GRHL2: variants seen among roughly 807,000 people sequenced by gnomAD.
The protein encoded by GRHL2 is grainyhead like transcription factor 2, also known as grainyhead-like protein 2 homolog.
Under a neutral mutation model 83.8 loss-of-function variants are expected in GRHL2, and 21 were observed. The ratio of observed to expected loss-of-function variants is 0.25; its 90% confidence interval spans 0.18 to 0.36. GRHL2 has a LOEUF of 0.36. Ranked by LOEUF, GRHL2 falls within the 10% of genes least tolerant of loss-of-function variation. GRHL2 has a pLI of 1.00. For missense variants in GRHL2, 623 were observed against 781.8 expected (o/e 0.80, Z 2.42); for synonymous variants, 280 against 278.9 (o/e 1.00, Z -0.04).
At chr8:101,547,735 A>C (rs950072791) in intron 2 of GRHL2, among the ~76,000 whole-genome samples, 2 of 152,212 alleles carry the variant, frequency 1.3e-5, no homozygotes, top group Non-Finnish European at 2.9e-5. Context: ...TCCATTTAAA[A>C]ATTTTAAAAG....
chr8:101,630,788 G>A (rs1180097045), intron 9 of GRHL2, among the ~76,000 whole-genome samples: 1 of 152,172 alleles, frequency 6.6e-6, no homozygotes, highest in Non-Finnish European at 1.5e-5. Flanking sequence ...GCAAGGAAAA[G>A]GAACCCACGT....
intron 4 of GRHL2, among the ~76,000 whole-genome samples, chr8:101,560,109 G>A (rs1811577565): frequency 6.6e-6 from 1 of 152,066 alleles, no homozygotes; most frequent in Non-Finnish European, 1.5e-5. Context: ...CGGTTCAAGC[G>A]ATTCTCCTGC....
chr8:101,656,310 A>G (rs540823125), intron 14 of GRHL2, among the ~76,000 whole-genome samples: 4 of 152,280 alleles, frequency 2.6e-5, no homozygotes, highest in Non-Finnish European at 2.9e-5. Flanking sequence ...GGGTGGTGTG[A>G]TCTTCACATG....
At chr8:101,534,562 T>G (rs1297143867) in intron 1 of GRHL2, among the ~76,000 whole-genome samples, 1 of 152,078 alleles carries the variant, frequency 6.6e-6, no homozygotes, top group Non-Finnish European at 1.5e-5. Context: ...GGGAGAGGAC[T>G]CACGAGGGTG....
chr8:101,508,026 T>A (rs1262780747), intron 1 of GRHL2, among the ~76,000 whole-genome samples: 2 of 152,142 alleles, frequency 1.3e-5, no homozygotes, highest in Non-Finnish European at 2.9e-5. Flanking sequence ...TCTCAAGAGA[T>A]CCACCCGCCT....
intron 1 of GRHL2, among the ~76,000 whole-genome samples, chr8:101,507,755 C>T (rs1810369539): frequency 7.2e-6 from 1 of 139,450 alleles, no homozygotes; most frequent in African/African-American, 2.6e-5. Context: ...AAGGTCAATA[C>T]TTGAATGATT....
chr8:101,554,842 A>G (rs973727565), intron 3 of GRHL2, among the ~76,000 whole-genome samples: 8 of 132,890 alleles, frequency 6.0e-5, no homozygotes, highest in Non-Finnish European at 1.4e-4. Context: ...TTTCTGTCTC[A>G]CAATAATTCT....
intron 12 of GRHL2, among the ~76,000 whole-genome samples, chr8:101,642,859 T>G (rs1224070717): frequency 6.6e-6 from 1 of 152,200 alleles, no homozygotes; most frequent in Non-Finnish European, 1.5e-5. Context: ...ATTTGACACT[T>G]AACTCGTTGT....
At chr8:101,631,515 G>A (rs1485948957) in intron 9 of GRHL2, 122 bp from the exon 10 acceptor site, 3 of 800,764 alleles carry the variant, frequency 3.7e-6, no homozygotes, top group African/African-American at 1.7e-5. Flanking sequence ...GAATGGAAAT[G>A]GGGCTGCTTG....
At chr8:101,560,459 T>C (rs1050851676) in intron 4 of GRHL2, among the ~76,000 whole-genome samples, 4 of 152,252 alleles carry the variant, frequency 2.6e-5, no homozygotes, top group Admixed American at 2.6e-4. Context: ...TGAAAAATGC[T>C]GCTGTGGACA....
intron 1 of GRHL2, chr8:101,528,714 C>T (rs7003724): frequency 0.014 from 3,576 of 249,638 alleles, 145 homozygotes; most frequent in African/African-American, 0.077. Flanking sequence ...CCTCTGTATC[C>T]TCTGTGTTCC....
At chr8:101,664,567 CAT>C (rs779777876) in intron 15 of GRHL2, 49 bp downstream of exon 15, 2 of 1,300,262 alleles carry the variant, frequency 1.5e-6, no homozygotes, top group Admixed American at 1.7e-5. Context: ...GATAAATCCA[CAT>C]GATGCCTTAA....
intron 1 of GRHL2, among the ~76,000 whole-genome samples, chr8:101,498,445 C>T (rs112547881): frequency 2.6e-5 from 4 of 152,272 alleles, no homozygotes; most frequent in African/African-American, 9.6e-5. Flanking sequence ...ACTGTTGTTT[C>T]ACTGAATTCA....
rs549019055 is a variant in GRHL2 at position 101,617,867 on chromosome 8, A to G, written c.1099-1672A>G. ...TGCTTCCTTGAGGGCTGCTCTCCAT[A>G]GTGTCGCTGTGGTGTGAGGGACTTC... On this transcript the variant is annotated intron_variant, in intron 8 of 15. Transcript: ENST00000646743. Among the ~76,000 whole-genome samples the G allele has an allele frequency of 9.2e-4, 140 of 152,244 alleles. 5 individuals carry two copies. Among genetic ancestry groups the G allele is most frequent in the Admixed American group, 9.2e-3 (140 of 15,290 alleles).
chr8:101,588,846 A>C (rs1429168624), intron 7 of GRHL2, among the ~76,000 whole-genome samples: 3 of 152,268 alleles, frequency 2.0e-5, no homozygotes, highest in Non-Finnish European at 4.4e-5. Flanking sequence ...TAGAACAGAC[A>C]TTCTTGAGTC....
chr8:101,678,374 C>T, the GRHL2 span, among the ~76,000 whole-genome samples: 11 of 152,136 alleles, frequency 7.2e-5, no homozygotes, highest in Middle Eastern at 3.4e-3. Context: ...GCTTTTCCGA[C>T]GGGCTTAAAA....
chr8:101,501,788 A>G (rs1381740315), intron 1 of GRHL2, among the ~76,000 whole-genome samples: 1 of 152,194 alleles, frequency 6.6e-6, no homozygotes, highest in African/African-American at 2.4e-5. Context: ...GAAGAAATGT[A>G]AGAAGAAATC....
intron 1 of GRHL2, among the ~76,000 whole-genome samples, chr8:101,521,754 A>G (rs1810688826): frequency 1.3e-5 from 2 of 152,242 alleles, no homozygotes; most frequent in South Asian, 4.1e-4. Context: ...TTGGACTTAT[A>G]TACCTAGGGA....
At chr8:101,631,924 G>A (rs1813192974) in intron 10 of GRHL2, among the ~76,000 whole-genome samples, 200 bp downstream of exon 10, 1 of 152,192 alleles carries the variant, frequency 6.6e-6, no homozygotes, top group East Asian at 1.9e-4. Flanking sequence ...GTGTGTTTGA[G>A]CTAGGAAGGA....
Sources: allele counts gnomAD v4.1 joint callset (sites outside exome capture counted in the v4.1 genomes callset), GRCh38; gene constraint gnomAD v4.1.1; transcripts MANE v1.5; gene names NCBI Gene and HGNC (gene_info 2026-07-23, HGNC 2026-07-21).